The following USP7 variants were observed in gnomAD, a reference collection of about 807,000 sequenced individuals.
USP7 encodes the protein ubiquitin specific peptidase 7.
Under a neutral mutation model 162.9 loss-of-function variants are expected in USP7, and 9 were observed. That is an observed-to-expected ratio of 0.06 (90% CI 0.03 to 0.10). The LOEUF (loss-of-function observed/expected upper bound fraction) is 0.10, where lower values mean the gene tolerates loss of function less well. Among genes scored for constraint, USP7 ranks in the 10% least tolerant of loss-of-function variants. The pLI is 1.00. For missense variants in USP7, 715 were observed against 1,373.7 expected (o/e 0.52, Z 7.58); for synonymous variants, 562 against 475.9 (o/e 1.18, Z -2.35).
At chr16:8,931,549 A>C (rs1898342627) in intron 1 of USP7, among the ~76,000 whole-genome samples, 1 of 152,222 alleles carries the variant, frequency 6.6e-6, no homozygotes, top group African/African-American at 2.4e-5. Flanking sequence ...AAGATCCGGG[A>C]AAGTGTTTAG....
rs373089638 is a variant in USP7 at position 8,910,107 on chromosome 16, T to C, written c.1161+638A>G. Among the ~76,000 whole-genome samples the C allele has an allele frequency of 3.3e-5, 5 of 152,200 alleles. No homozygotes were observed. The South Asian group carries it at 6.2e-4, about 19-fold the overall frequency. ...ACTGACATTTTTAATTATAAATTAG[T>C]TGAGTCAATGAGTCAAGGTTATAAG... On this transcript the variant is annotated intron_variant, in intron 11 of 30. Coordinates refer to ENST00000344836, the MANE Select transcript of USP7 (RefSeq NM_003470.3).
chr16:8,963,330 G>T lies in USP7; in HGVS notation c.-45C>A. 2.4e-6 allele frequency: 2 copies of T among 835,418 alleles called. No individual in the cohort carries two copies. Among genetic ancestry groups the T allele is most frequent in the Non-Finnish European group, 2.9e-6 (2 of 687,634 alleles). The allele number at this position is 835,418 out of a possible 1,614,324, so 51.8% of individuals were successfully genotyped here. Reference sequence around the variant, plus strand: ...TCGCCTGCGGCCGGGGGCCGGGGCTGCGAGCCCGGCGGGCGGGCGGCGGCG... The same window carrying T: ...TCGCCTGCGGCCGGGGGCCGGGGCTTCGAGCCCGGCGGGCGGGCGGCGGCG... On this transcript the variant is annotated 5_prime_UTR_variant, in exon 1 of 31. Transcript: ENST00000344836.
chr16:8,942,112 G>A (rs1899072014), intron 1 of USP7, among the ~76,000 whole-genome samples: 1 of 152,270 alleles, frequency 6.6e-6, no homozygotes, highest in Admixed American at 6.5e-5. Context: ...GAACAGGGCA[G>A]TGGGAAGGGG....
intron 1 of USP7, among the ~76,000 whole-genome samples, chr16:8,944,505 G>C (rs1899191107): frequency 6.6e-6 from 1 of 152,194 alleles, no homozygotes; most frequent in Non-Finnish European, 1.5e-5. Flanking sequence ...GTAGAAAGGA[G>C]ATTTTTATAC....
chr16:8,929,031 C>CA (rs1338697172), intron 2 of USP7, among the ~76,000 whole-genome samples: 4 of 147,052 alleles, frequency 2.7e-5, no homozygotes, highest in Non-Finnish European at 5.9e-5. Flanking sequence ...TGTCTCCTCC[C>CA]AAGACCTCCC....
rs530490664 is a variant in USP7 at position 8,898,694 on chromosome 16, A to G, written c.2532-55T>C. ...GACTTGTTTATTTGCCTAAAAACAA[A>G]TATCTGTGAGTGAGCATAAAAGCAA... On this transcript the variant is annotated intron_variant, in intron 23 of 30. Coordinates refer to ENST00000344836, the MANE Select transcript of USP7 (RefSeq NM_003470.3). 52 of 1,417,290 alleles carry G rather than the reference A, an allele frequency of 3.7e-5. 1 individual carries two copies. Among genetic ancestry groups the G allele is most frequent in the South Asian group, 2.7e-4 (20 of 75,368 alleles). 87.8% of individuals were successfully genotyped at this position (1,417,290 alleles called of 1,614,324 possible).
intron 2 of USP7, among the ~76,000 whole-genome samples, chr16:8,928,858 T>A (rs1051241806): frequency 6.6e-6 from 1 of 152,102 alleles, no homozygotes; most frequent in African/African-American, 2.4e-5. Context: ...TGTCCCCTCA[T>A]AAGTCATTCT....
chr16:8,909,358 C>T (rs2061907842), intron 11 of USP7, among the ~76,000 whole-genome samples: 1 of 152,176 alleles, frequency 6.6e-6, no homozygotes, highest in African/African-American at 2.4e-5. Context: ...AAGGCACACC[C>T]ATATGCCAAG....
chr16:8,898,662 A>G, intron 23 of USP7, 23 bp from the exon 24 acceptor site: 2 of 1,532,934 alleles, frequency 1.3e-6, no homozygotes, highest in Non-Finnish European at 1.8e-6. Context: ...ACAGCATATA[A>G]ATAAATGACT....
Position 8,895,548 on chromosome 16 carries a change from T to C in USP7, c.2919+94A>G. 2.8e-6 allele frequency: 3 copies of C among 1,078,140 alleles called. No individual in the cohort carries two copies. The South Asian group carries it at 4.0e-5, about 14-fold the overall frequency. 66.8% of individuals were successfully genotyped at this position (1,078,140 alleles called of 1,614,324 possible). Reference sequence around the variant, plus strand: ...TCGATTACTGGTATAAAAACACAAATCAAGCTACTTGTACAACTTGCTGTG... The same window carrying C: ...TCGATTACTGGTATAAAAACACAAACCAAGCTACTTGTACAACTTGCTGTG... On this transcript the variant is annotated intron_variant, in intron 27 of 30. Coordinates refer to ENST00000344836, the MANE Select transcript of USP7 (RefSeq NM_003470.3).
intron 18 of USP7, 61 bp from the exon 19 acceptor site, chr16:8,901,295 CA>C: frequency 3.0e-6 from 3 of 1,008,636 alleles, no homozygotes; most frequent in Non-Finnish European, 4.4e-6. Context: ...GCTTAAAAAA[CA>C]AAAAAACAAA....
chr16:8,943,516 G>C (rs567917088), intron 1 of USP7, among the ~76,000 whole-genome samples: 1 of 152,146 alleles, frequency 6.6e-6, no homozygotes, highest in Non-Finnish European at 1.5e-5. Context: ...TCAACACCGA[G>C]AATGCAGGGC....
At chr16:8,908,813 A>G (rs1378256769) in intron 11 of USP7, among the ~76,000 whole-genome samples, 4 of 152,224 alleles carry the variant, frequency 2.6e-5, no homozygotes, top group Non-Finnish European at 4.4e-5. Flanking sequence ...CCACAGAAAA[A>G]TCATTAAATG....
At position 8,910,733 on chromosome 16, in the gene USP7, C is replaced by T; in HGVS notation, c.1161+12G>A. ...GCTACAACAGGACACTAGCACAAAA[C>T]ACTCAATTTACCTGTAAGCCATGTT... On this transcript the variant is annotated intron_variant, in intron 11 of 30. Transcript: ENST00000344836. 1 of 1,612,914 alleles carries T rather than the reference C, an allele frequency of 6.2e-7. No individual in the cohort carries two copies. The highest frequency in any genetic ancestry group is 8.5e-7 in the Non-Finnish European group (1 of 1,179,046).
At chr16:8,903,426 GAA>G (rs768246876) in intron 15 of USP7, 24 bp from the exon 16 acceptor site, 4 of 1,605,928 alleles carry the variant, frequency 2.5e-6, no homozygotes, top group Non-Finnish European at 3.4e-6. Flanking sequence ...TGAAAGCACA[GAA>G]AAGACTTGAC....
intron 1 of USP7, among the ~76,000 whole-genome samples, chr16:8,932,738 A>C (rs1001900502): frequency 1.3e-5 from 2 of 152,220 alleles, no homozygotes; most frequent in African/African-American, 4.8e-5. Flanking sequence ...AACCAAGGAC[A>C]GTGACTGGCC....
intron 16 of USP7, among the ~76,000 whole-genome samples, chr16:8,902,843 G>C (rs749543080): frequency 1.3e-5 from 2 of 151,984 alleles, no homozygotes; most frequent in Non-Finnish European, 2.9e-5. Context: ...AGCCAAGATC[G>C]CGCCACTGGG....
intron 30 of USP7, 117 bp downstream of exon 30, chr16:8,894,433 C>A: frequency 2.1e-6 from 2 of 941,844 alleles, no homozygotes; most frequent in South Asian, 1.6e-5. Flanking sequence ...TTCCACAGGT[C>A]GGCCAGTGGA....
chr16:8,939,002 C>T (rs765289168), intron 1 of USP7, among the ~76,000 whole-genome samples: 2 of 152,110 alleles, frequency 1.3e-5, no homozygotes, highest in South Asian at 2.1e-4. Context: ...AGGGAGAGAT[C>T]CCATACCCTT....
Sources: allele counts gnomAD v4.1 joint callset (sites outside exome capture counted in the v4.1 genomes callset), GRCh38; gene constraint gnomAD v4.1.1; transcripts MANE v1.5; gene names NCBI Gene and HGNC (gene_info 2026-07-23, HGNC 2026-07-21).